Variants in ITFG1 observed in about 807,000 individuals in gnomAD.
The protein encoded by ITFG1 is integrin alpha FG-GAP repeat containing 1.
A neutral mutation model predicts 81.8 loss-of-function variants in ITFG1; 34 were observed. The ratio of observed to expected loss-of-function variants is 0.42; its 90% confidence interval spans 0.32 to 0.55. ITFG1 has a LOEUF of 0.55. Among genes scored for constraint, ITFG1 ranks in the 20% least tolerant of loss-of-function variants. The pLI is 0.17. For synonymous variants in ITFG1, 285 were observed against 270.6 expected, an observed-to-expected ratio of 1.05 and a Z score of -0.52; for missense variants, 672 against 755.4, an observed-to-expected ratio of 0.89 and a Z score of 1.29.
At chr16:47,170,398 G>A (rs975228850) in intron 14 of ITFG1, among the ~76,000 whole-genome samples, 15 of 151,070 alleles carry the variant, frequency 9.9e-5, no homozygotes, top group African/African-American at 3.6e-4. Context: ...TTCCTCTTGG[G>A]TCAGTTTTGT....
intron 6 of ITFG1, among the ~76,000 whole-genome samples, chr16:47,390,803 G>A (rs1968520990): frequency 6.6e-6 from 1 of 151,866 alleles, no homozygotes; most frequent in Admixed American, 6.6e-5. Flanking sequence ...ACTGTATAAG[G>A]TATTACTTTA....
At position 47,460,943 on chromosome 16, in the gene ITFG1, G is replaced by T; in HGVS notation, c.103C>A (p.His35Asn). ...GVGPVPARAL[H>N]NVTAELFGAE... Reference sequence around the variant, plus strand: ...CCAAAGAGCTCGGCCGTGACGTTGTGCAGCGCCCGCGCTGGGACCGGCCCG... The same window carrying T: ...CCAAAGAGCTCGGCCGTGACGTTGTTCAGCGCCCGCGCTGGGACCGGCCCG... Residue 35 changes from histidine to asparagine, a missense_variant, in exon 1 of 18, where the codon CAC becomes AAC. His to Asn is a moderately conservative substitution (Grantham distance 68). Coordinates refer to ENST00000320640, the MANE Select transcript of ITFG1 (RefSeq NM_030790.5). 1 of 1,610,948 alleles carries T rather than the reference G, an allele frequency of 6.2e-7. No homozygotes were observed. The highest frequency in any genetic ancestry group is 8.5e-7 in the Non-Finnish European group (1 of 1,179,054).
chr16:47,242,759 C>G (rs535544533), intron 12 of ITFG1, among the ~76,000 whole-genome samples: 2 of 152,150 alleles, frequency 1.3e-5, no homozygotes, highest in South Asian at 2.1e-4. Flanking sequence ...TGTGAAGGGA[C>G]ATCTGTTAAA....
intron 10 of ITFG1, among the ~76,000 whole-genome samples, chr16:47,295,727 A>G (rs1441540082): frequency 6.6e-6 from 1 of 152,012 alleles, no homozygotes; most frequent in Non-Finnish European, 1.5e-5. Flanking sequence ...TGGTTTATCA[A>G]TTTTGTTTAC....
chr16:47,203,687 G>A (rs1201528789), intron 14 of ITFG1, among the ~76,000 whole-genome samples: 1 of 152,190 alleles, frequency 6.6e-6, no homozygotes, highest in Non-Finnish European at 1.5e-5. Context: ...TGTGATTGAT[G>A]GGGAGCAGCT....
intron 14 of ITFG1, among the ~76,000 whole-genome samples, chr16:47,177,408 C>T (rs1337460032): frequency 6.6e-6 from 1 of 152,012 alleles, no homozygotes; most frequent in Non-Finnish European, 1.5e-5. Flanking sequence ...TAAAGTATAT[C>T]AAATCAGATG....
chr16:47,222,350 TAG>T (rs1965701722), intron 13 of ITFG1, among the ~76,000 whole-genome samples: 2 of 151,932 alleles, frequency 1.3e-5, no homozygotes, highest in Non-Finnish European at 2.9e-5. Flanking sequence ...ATGTACCCAG[TAG>T]TCATTCAGGA....
intron 6 of ITFG1, among the ~76,000 whole-genome samples, chr16:47,394,592 C>T (rs910951058): frequency 3.3e-5 from 5 of 151,782 alleles, no homozygotes; most frequent in Admixed American, 1.3e-4. Context: ...TTTCATTACT[C>T]GCCAGAAGCA....
intron 14 of ITFG1, among the ~76,000 whole-genome samples, chr16:47,164,834 T>C (rs1452542769): frequency 2.0e-5 from 3 of 152,352 alleles, no homozygotes; most frequent in South Asian, 2.1e-4. Flanking sequence ...GTCATATCCA[T>C]TGGCTGTGAA....
intron 14 of ITFG1, among the ~76,000 whole-genome samples, chr16:47,180,935 G>A (rs1965102627): frequency 6.6e-6 from 1 of 151,432 alleles, no homozygotes; most frequent in Non-Finnish European, 1.5e-5. Flanking sequence ...TCTAGGAAGT[G>A]AGGAGCGTCT....
intron 6 of ITFG1, among the ~76,000 whole-genome samples, chr16:47,401,831 T>C (rs768305817): frequency 2.0e-5 from 3 of 152,114 alleles, no homozygotes; most frequent in Non-Finnish European, 4.4e-5. Flanking sequence ...AGCATCCCAC[T>C]GAATCTCTCC....
chr16:47,258,782 A>G (rs527349061), intron 11 of ITFG1, 42 bp from the exon 12 acceptor site: 8 of 854,776 alleles, frequency 9.4e-6, no homozygotes, highest in East Asian at 2.7e-5. Context: ...AAACTATTAG[A>G]CCAACTAAAA....
intron 9 of ITFG1, chr16:47,312,741 G>A (rs1967286344): frequency 6.6e-6 from 1 of 152,100 alleles, no homozygotes; most frequent in African/African-American, 2.4e-5. Flanking sequence ...TCCTGTTAAG[G>A]TAAATGTATT....
chr16:47,450,769 G>GT (rs1317782667), intron 5 of ITFG1, among the ~76,000 whole-genome samples: 1 of 152,152 alleles, frequency 6.6e-6, no homozygotes, highest in Non-Finnish European at 1.5e-5. Context: ...CTTATGAAAA[G>GT]TATCTTGCTA....
intron 10 of ITFG1, among the ~76,000 whole-genome samples, chr16:47,264,243 T>TA (rs892240408): frequency 2.6e-5 from 4 of 151,930 alleles, no homozygotes; most frequent in East Asian, 3.9e-4. Context: ...CATATAACCT[T>TA]AAAAAAAACC....
intron 15 of ITFG1, 89 bp from the exon 16 acceptor site, chr16:47,161,921 T>C (rs1964812814): frequency 1.2e-6 from 1 of 834,532 alleles, no homozygotes; most frequent in Admixed American, 1.9e-5. Flanking sequence ...ATCTAGCTAC[T>C]TTGAGAAATT....
At chr16:47,372,058 G>A (rs1157410059) in intron 7 of ITFG1, among the ~76,000 whole-genome samples, 4 of 151,336 alleles carry the variant, frequency 2.6e-5, no homozygotes, top group African/African-American at 4.9e-5. Context: ...GACTACAGGC[G>A]CCCGCCACCG....
At chr16:47,320,133 T>G (rs894830083) in intron 8 of ITFG1, among the ~76,000 whole-genome samples, 1 of 152,136 alleles carries the variant, frequency 6.6e-6, no homozygotes, top group African/African-American at 2.4e-5. Context: ...ACAAGAGAGG[T>G]TACACCAATA....
chr16:47,454,662 AT>A (rs978668371), intron 2 of ITFG1, among the ~76,000 whole-genome samples: 1 of 151,970 alleles, frequency 6.6e-6, no homozygotes, highest in Non-Finnish European at 1.5e-5. Context: ...TAAGAATGGA[AT>A]TTTTTTTAAC....
Sources: allele counts gnomAD v4.1 joint callset (sites outside exome capture counted in the v4.1 genomes callset), GRCh38; gene constraint gnomAD v4.1.1; transcripts MANE v1.5; gene names NCBI Gene and HGNC (gene_info 2026-07-23, HGNC 2026-07-21).